LRBA: variants seen among roughly 807,000 people sequenced by gnomAD.
The protein encoded by LRBA is lipopolysaccharide-responsive and beige-like anchor protein.
LRBA carries 176 observed loss-of-function variants against 330.0 expected under a neutral mutation model. The observed-to-expected ratio is 0.53, with a 90% CI of 0.47 to 0.60. The LOEUF is 0.60. LRBA is among the 20% of genes least tolerant of loss of function. LRBA has a pLI of 0.00. For synonymous variants in LRBA, 1,230 were observed against 1,193.0 expected (o/e 1.03, Z -0.64); for missense variants, 3,259 against 3,444.8 (o/e 0.95, Z 1.35).
intron 44 of LRBA, among the ~76,000 whole-genome samples, chr4:150,462,184 A>C (rs1754859311): frequency 6.6e-6 from 1 of 151,846 alleles, no homozygotes; most frequent in African/African-American, 2.4e-5. Context: ...AATTCTATGC[A>C]TGGTTAGATC....
chr4:150,561,485 G>A (rs1768337331), intron 40 of LRBA, among the ~76,000 whole-genome samples: 1 of 152,184 alleles, frequency 6.6e-6, no homozygotes, highest in South Asian at 2.1e-4. Context: ...GGTGAGTCCA[G>A]TGTAATTACA....
chr4:150,699,372 A>G (rs1378232160), intron 36 of LRBA, among the ~76,000 whole-genome samples: 1 of 152,148 alleles, frequency 6.6e-6, no homozygotes, highest in Non-Finnish European at 1.5e-5. Context: ...AAGGCCCACA[A>G]AAGAGAAAAG....
Position 150,583,999 on chromosome 4 carries a change from C to A in LRBA, c.6330+4049G>T. ...CTGCCCTCACTACTTTCTGCCCAAC[C>A]TCGACCTCTTTCAGGGCAAGCCCCA... On this transcript the variant is annotated intron_variant, in intron 40 of 56. Transcript: ENST00000651943. The surrounding 1 kb of genome is among the most constrained non-coding windows in gnomAD (Gnocchi z 9.8). The A allele has an allele frequency of 1.9e-6, 3 of 1,614,180 alleles. No individual in the cohort carries two copies. Among genetic ancestry groups the A allele is most frequent in the Non-Finnish European group, 1.7e-6 (2 of 1,180,022 alleles).
chr4:150,963,704 G>A (rs2149571331), intron 2 of LRBA, among the ~76,000 whole-genome samples: 2 of 148,456 alleles, frequency 1.3e-5, no homozygotes, highest in Middle Eastern at 3.4e-3. Context: ...AGTGAGGAGT[G>A]CCTCTTCCCG....
chr4:150,760,554 AACACACACACAC>A (rs143415433), intron 35 of LRBA, among the ~76,000 whole-genome samples: 1 of 147,936 alleles, frequency 6.8e-6, no homozygotes, highest in Non-Finnish European at 1.5e-5. Context: ...ACACCTCTCC[AACACACACACAC>A]ACACACACAC....
At chr4:150,591,334 A>G (rs1772804040) in intron 38 of LRBA, among the ~76,000 whole-genome samples, 1 of 152,186 alleles carries the variant, frequency 6.6e-6, no homozygotes, top group Admixed American at 6.5e-5. Context: ...TAAAGCTAAG[A>G]GACATTCACA....
chr4:150,552,654 A>C (rs9968436), intron 40 of LRBA, among the ~76,000 whole-genome samples: 12,189 of 152,144 alleles, frequency 0.08, 870 homozygotes, highest in East Asian at 0.18. Context: ...TGGGTATATA[A>C]CCAAAGGATT....
intron 17 of LRBA, among the ~76,000 whole-genome samples, chr4:150,880,501 C>A (rs1012294889): frequency 3.0e-5 from 4 of 132,416 alleles, no homozygotes; most frequent in Middle Eastern, 4.5e-3. Flanking sequence ...ACCTGGGAAA[C>A]AGAGCAATAC....
chr4:150,423,029 C>T, intron 46 of LRBA: 1 of 787,748 alleles, frequency 1.3e-6, no homozygotes, highest in Non-Finnish European at 2.3e-6. Context: ...GCTTCCAAGG[C>T]TTGTCCTCAA....
At chr4:150,534,629 A>G (rs1313824731) in intron 40 of LRBA, among the ~76,000 whole-genome samples, 3 of 152,270 alleles carry the variant, frequency 2.0e-5, no homozygotes, top group Middle Eastern at 3.4e-3. Flanking sequence ...TTTTTCCTAC[A>G]AAAAGCTGTA....
At position 150,464,026 on chromosome 4, in the gene LRBA, C is replaced by T. The variant is rs142778616; in HGVS notation, c.6780+3647G>A. Among the ~76,000 whole-genome samples the T allele has an allele frequency of 1.3e-4, 18 of 141,794 alleles. No individual in the cohort carries two copies. The East Asian group carries it at 2.1e-3, about 17-fold the overall frequency. 93.0% of individuals were successfully genotyped at this position (141,794 alleles called of 152,430 possible). On this transcript the variant is annotated intron_variant, in intron 44 of 56. Transcript: ENST00000651943. The stretch of plus-strand genomic sequence containing the variant: ...CATATCCTCAAAAAAAAAAAAATAA[C>T]CTCCCACTTGTCACCATTAGGTACT...
At chr4:150,539,183 T>C (rs911977430) in intron 40 of LRBA, among the ~76,000 whole-genome samples, 1 of 152,032 alleles carries the variant, frequency 6.6e-6, no homozygotes, top group Admixed American at 6.6e-5. Context: ...ATCATGTTGT[T>C]CAGGATGGTC....
At chr4:150,935,814 T>C (rs745702500) in intron 2 of LRBA, among the ~76,000 whole-genome samples, 1 of 151,936 alleles carries the variant, frequency 6.6e-6, no homozygotes, top group Non-Finnish European at 1.5e-5. Flanking sequence ...AAGCATTAAA[T>C]GGAGCTATGA....
intron 37 of LRBA, among the ~76,000 whole-genome samples, chr4:150,639,038 T>C (rs1346664300): frequency 8.4e-6 from 1 of 119,462 alleles, no homozygotes; most frequent in Non-Finnish European, 1.7e-5. Flanking sequence ...AAATGATGAG[T>C]TCATGTCCTT....
At chr4:150,653,000 TATTCTA>T (rs977949045) in intron 37 of LRBA, among the ~76,000 whole-genome samples, 266 of 152,304 alleles carry the variant, frequency 1.7e-3, no homozygotes, top group African/African-American at 6.1e-3. Context: ...TTTTTTTTGC[TATTCTA>T]ATTCTATTAT....
intron 30 of LRBA, among the ~76,000 whole-genome samples, chr4:150,820,509 T>TA (rs1189889441): frequency 6.6e-6 from 1 of 151,992 alleles, no homozygotes; most frequent in African/African-American, 2.4e-5. Flanking sequence ...ATCACAAAAA[T>TA]ACATCTGCTC....
chr4:150,681,391 C>A (rs1783045234), intron 37 of LRBA, among the ~76,000 whole-genome samples: 1 of 151,790 alleles, frequency 6.6e-6, no homozygotes, highest in African/African-American at 2.4e-5. Context: ...CATTTTCTTA[C>A]ATGGACCTTA....
intron 37 of LRBA, among the ~76,000 whole-genome samples, chr4:150,600,714 A>C (rs1774026335): frequency 6.6e-6 from 1 of 152,186 alleles, no homozygotes; most frequent in South Asian, 2.1e-4. Context: ...TTGAATAAAA[A>C]CATGATGATA....
intron 48 of LRBA, among the ~76,000 whole-genome samples, chr4:150,329,225 C>T (rs1031531439): frequency 6.6e-6 from 1 of 152,170 alleles, no homozygotes; most frequent in Non-Finnish European, 1.5e-5. Flanking sequence ...AAATGCTTTA[C>T]TTCTTAACGA....
Sources: allele counts gnomAD v4.1 joint callset (sites outside exome capture counted in the v4.1 genomes callset), GRCh38; gene constraint gnomAD v4.1.1; non-coding constraint Gnocchi (gnomAD v3.1); transcripts MANE v1.5; gene names NCBI Gene and HGNC (gene_info 2026-07-23, HGNC 2026-07-21).